DSPP: variants seen among roughly 807,000 people sequenced by gnomAD.
The protein encoded by DSPP is deafness, autosomal dominant 39.
A neutral mutation model predicts 29.1 loss-of-function variants in DSPP; 28 were observed. The observed-to-expected ratio is 0.96, with a 90% CI of 0.71 to 1.32. The LOEUF (loss-of-function observed/expected upper bound fraction) is 1.32, where lower values mean the gene tolerates loss of function less well. Among genes scored for constraint, DSPP ranks in the 40% most tolerant of loss-of-function variants. The probability of loss-of-function intolerance (pLI) is 0.00; values close to 1 mark genes in which losing one functional copy is unlikely to be tolerated. For synonymous variants in DSPP, 481 were observed against 503.4 expected, an observed-to-expected ratio of 0.96 and a Z score of 0.60; for missense variants, 1,281 against 1,629.9, an observed-to-expected ratio of 0.79 and a Z score of 3.69.
chr4:87,610,242 C>G (rs191193743), intron 1 of DSPP, among the ~76,000 whole-genome samples: 1 of 152,036 alleles, frequency 6.6e-6, no homozygotes. Flanking sequence ...TTTGAAGTGG[C>G]GTCAGAGAGG....
Position 87,612,393 on chromosome 4 carries a change from A to T in DSPP, c.207A>T (p.Gln69His), listed in dbSNP as rs1352401738. 1.9e-6 allele frequency: 3 copies of T among 1,614,008 alleles called. No individual in the cohort carries two copies. The East Asian group carries it at 6.7e-5, about 36-fold the overall frequency. Residue 69 changes from glutamine to histidine, a missense_variant, in exon 4 of 5, where the codon CAA (glutamine) becomes CAT (histidine). Physicochemically the swap from Gln to His is conservative, Grantham distance 24 (BLOSUM62 0). This residue lies in a region of DSPP where 631 missense variants were observed against 643.2 expected (regional missense o/e 0.98). Coordinates refer to ENST00000651931, the MANE Select transcript of DSPP (RefSeq NM_014208.3). The part of the protein sequence containing the change: ...VLVHEGDRGR[Q>H]ENTQDGHKGE... ...TGCATGAAGGTGATAGAGGAAGGCAAGAGAATACCCAAGATGGTCACAAGG... is the reference window on the plus strand; with the variant it reads ...TGCATGAAGGTGATAGAGGAAGGCATGAGAATACCCAAGATGGTCACAAGG...
chr4:87,615,029 C>A lies in DSPP; in HGVS notation c.2367C>A (p.Ser789Arg). Residue 789 changes from serine to arginine, a missense_variant, in exon 5 of 5, where the codon AGC becomes AGA. By Grantham distance (110) the Ser-to-Arg change is moderately radical. Transcript: ENST00000651931. ...ACAGCAGTGATAGCAACGACAGCAG[C>A]AATAGCAGTGACAGCAGTGATAGCA... ...SSNSSDSNDS[S>R]NSSDSSDSSN... The A allele has an allele frequency of 1.3e-6, 2 of 1,549,828 alleles. No homozygotes were observed. Among genetic ancestry groups the A allele is most frequent in the Non-Finnish European group, 1.7e-6 (2 of 1,146,534 alleles).
At position 87,612,610 on chromosome 4, in the gene DSPP, A is replaced by C; in HGVS notation, c.424A>C (p.Ile142Leu). The change falls in exon 4 of 5, where the codon ATC (isoleucine) becomes CTC (leucine). Residue 142 changes from isoleucine (I) to leucine (L), a missense_variant. This residue lies in a region of DSPP where 631 missense variants were observed against 643.2 expected (regional missense o/e 0.98). Transcript: ENST00000651931. ...TANGIQGQVS[I>L]IDNAGATNRS... Reference sequence around the variant, plus strand: ...AAATGGCATCCAGGGACAAGTAAGCATCATTGACAATGCTGGAGCCACAAA... The same window carrying C: ...AAATGGCATCCAGGGACAAGTAAGCCTCATTGACAATGCTGGAGCCACAAA... 6.2e-7 allele frequency: 1 copy of C among 1,614,172 alleles called. No homozygotes were observed.
Position 87,614,192 on chromosome 4 carries a change from A to C in DSPP, c.1530A>C (p.Ala510=). The change falls in exon 5 of 5, where the codon GCA becomes GCC. Residue 510 remains alanine (A), a synonymous_variant. Coordinates refer to ENST00000651931, the MANE Select transcript of DSPP (RefSeq NM_014208.3). ...GCAATGGCAGTGACTCAAAAGGAGC[A>C]GAAGATGATGACAGTGATAGCACAT... is the stretch of plus-strand genomic sequence containing the variant. ...DNGNGSDSKG[A]EDDDSDSTSD... 1 of 1,614,268 alleles carries C rather than the reference A, an allele frequency of 6.2e-7. No individual in the cohort carries two copies. Among genetic ancestry groups the C allele is most frequent in the Non-Finnish European group, 8.5e-7 (1 of 1,180,042 alleles).
rs1457884887 is a variant in DSPP at position 87,616,115 on chromosome 4, CGACAGCAGT to C, written c.3462_3470del (p.Asp1176_Ser1178del). 2.7e-6 allele frequency: 4 copies of C among 1,505,052 alleles called. No homozygotes were observed. In the East Asian group the frequency reaches 1.0e-4, roughly 38 times the overall value. 93.2% of individuals were successfully genotyped at this position (1,505,052 alleles called of 1,614,324 possible). On this transcript the variant is annotated inframe_deletion, in exon 5 of 5. Transcript: ENST00000651931. ...ACAGCAGTGACAGCAGTGAAAGCAG[CGACAGCAGT>C]GACAGCAGCGACAGCAGTGACAGCA... is the stretch of plus-strand genomic sequence containing the variant.
In DSPP at chr4:87,612,554, G is replaced by C. The variant is rs199683760; in HGVS notation, c.368G>C (p.Gly123Ala). The C allele has an allele frequency of 2.6e-4, 424 of 1,614,102 alleles. 1 individual carries two copies. The highest frequency in any genetic ancestry group is 1.0e-3 in the South Asian group (92 of 91,084). ...TGKAETYGHDGIHGKEENITA... is the reference protein window; with the variant it reads ...TGKAETYGHDAIHGKEENITA... ...AAAGCAGAAACATATGGTCATGATG[G>C]AATACATGGGAAAGAAGAAAACATC... The change falls in exon 4 of 5, where the codon GGA (glycine) becomes GCA (alanine). Residue 123 changes from glycine to alanine, a missense_variant. Around this residue, in one of 4 missense-constraint regions of DSPP, gnomAD observed 631 missense variants for 643.2 expected, o/e 0.98. Coordinates refer to ENST00000651931, the MANE Select transcript of DSPP (RefSeq NM_014208.3).
chr4:87,614,542 G>A lies in DSPP; in HGVS notation c.1880G>A (p.Ser627Asn), dbSNP rs1404363036. The change falls in exon 5 of 5, where the codon AGC (serine) becomes AAC (asparagine). Residue 627 changes from serine to asparagine, a missense_variant. Around this residue, in one of 4 missense-constraint regions of DSPP, gnomAD observed 444 missense variants for 611.4 expected, o/e 0.73. Transcript: ENST00000651931. ...AGCAGTGACAGCAAGTCAGACAGCA[G>A]CAAATCAGAGAGCGACAGCAGTGAT... Reference protein sequence around the residue: ...SDSSDSKSDSSKSESDSSDSD... With the variant: ...SDSSDSKSDSNKSESDSSDSD... 1.3e-6 allele frequency: 2 copies of A among 1,551,082 alleles called. No homozygotes were observed. The highest frequency in any genetic ancestry group is 2.4e-5 in the South Asian group (2 of 84,028).
intron 1 of DSPP, among the ~76,000 whole-genome samples, chr4:87,609,753 C>T (rs1341545073): frequency 6.6e-6 from 1 of 152,164 alleles, no homozygotes; most frequent in Non-Finnish European, 1.5e-5. Flanking sequence ...ATAATCTATA[C>T]ATCTGGTGGG....
intron 1 of DSPP, among the ~76,000 whole-genome samples, chr4:87,609,146 G>A (rs1727688130): frequency 6.6e-6 from 1 of 152,146 alleles, no homozygotes; most frequent in South Asian, 2.1e-4. Flanking sequence ...AAATTCTGAA[G>A]TCTTTGTTTC....
intron 2 of DSPP, among the ~76,000 whole-genome samples, chr4:87,611,498 A>T (rs1727734078): frequency 6.6e-6 from 1 of 152,188 alleles, no homozygotes; most frequent in Non-Finnish European, 1.5e-5. Context: ...GATGAAAACC[A>T]ATAAAAAATT....
rs781591622 is a variant in DSPP, at chr4:87,612,632, C to A, written c.446C>A (p.Thr149Lys). 1 of 1,613,868 alleles carries A rather than the reference C, an allele frequency of 6.2e-7. No homozygotes were observed. Among genetic ancestry groups the A allele is most frequent in the Admixed American group, 1.7e-5 (1 of 59,984 alleles). The change falls in exon 4 of 5, where the codon ACA becomes AAA. Residue 149 changes from threonine (T) to lysine (K), a missense_variant. Physicochemically the swap from Thr to Lys is moderately conservative, Grantham distance 78 (BLOSUM62 -1). Coordinates refer to ENST00000651931, the MANE Select transcript of DSPP (RefSeq NM_014208.3). ...AGCATCATTGACAATGCTGGAGCCA[C>A]AAACAGAAGCAACACTAATGGAAAT... ...QVSIIDNAGATNRSNTNGNTD... is the reference protein window; with the variant it reads ...QVSIIDNAGAKNRSNTNGNTD...
In DSPP at chr4:87,614,710, G is replaced by A. The variant is rs1482175256; in HGVS notation, c.2048G>A (p.Ser683Asn). The change falls in exon 5 of 5, where the codon AGC becomes AAC. Residue 683 changes from serine (S) to asparagine (N), a missense_variant. By Grantham distance (46) the Ser-to-Asn change is conservative. Around this residue, in one of 4 missense-constraint regions of DSPP, gnomAD observed 444 missense variants for 611.4 expected, o/e 0.73. Coordinates refer to ENST00000651931, the MANE Select transcript of DSPP (RefSeq NM_014208.3). ...DSSDSSSSSD[S>N]SNSSDSSDSS... ...AGTGACAGCAGCAGTAGCAGTGACA[G>A]CAGCAACAGCAGTGATAGTAGTGAC... 1.3e-6 allele frequency: 2 copies of A among 1,545,312 alleles called. No individual in the cohort carries two copies. The highest frequency in any genetic ancestry group is 4.9e-5 in the East Asian group (2 of 40,718).
rs1553904279 is a variant in DSPP at position 87,615,372 on chromosome 4, G to GATAGCAGCA, written c.2711_2712insTAGCAGCAA (p.Ser906_Asp907insAsnSerSer). The GATAGCAGCA allele has an allele frequency of 7.9e-5, 119 of 1,510,206 alleles. No homozygotes were observed. The South Asian group carries it at 1.4e-3, about 18-fold the overall frequency. The allele number at this position is 1,510,206 out of a possible 1,614,324, so 93.6% of individuals were successfully genotyped here. A position where few individuals can be genotyped will look rare whatever the true frequency, so the allele number is the denominator to read the frequency against. On this transcript the variant is annotated inframe_insertion, in exon 5 of 5. Coordinates refer to ENST00000651931, the MANE Select transcript of DSPP (RefSeq NM_014208.3). ...TGATAGCAGCAACAGCAGTGATAGT[G>GATAGCAGCA]ACAGCAGTGATAGCAGCAACAGCAG...
In DSPP at chr4:87,613,963, A is replaced by G; in HGVS notation, c.1301A>G (p.Asn434Ser). ...EGPGQKSEPG[N>S]KVGHSNTGSD... ...CCTGGCCAAAAATCAGAACCAGGAA[A>G]TAAAGTTGGACACAGCAATACAGGT... The change falls in exon 5 of 5, where the codon AAT becomes AGT. Residue 434 changes from asparagine to serine, a missense_variant. Physicochemically the swap from Asn to Ser is conservative, Grantham distance 46. Transcript: ENST00000651931. 2 of 1,614,260 alleles carry G rather than the reference A, an allele frequency of 1.2e-6. No individual in the cohort carries two copies. The highest frequency in any genetic ancestry group is 1.7e-6 in the Non-Finnish European group (2 of 1,180,046).
chr4:87,616,841 C>G lies in DSPP; in HGVS notation c.*273C>G. 1.6e-6 allele frequency: 1 copy of G among 621,106 alleles called. No individual in the cohort carries two copies. Among genetic ancestry groups the G allele is most frequent in the South Asian group, 2.0e-5 (1 of 48,790 alleles). The allele number at this position is 621,106 out of a possible 1,614,324, so 38.5% of individuals were successfully genotyped here. A position where few individuals can be genotyped will look rare whatever the true frequency, so the allele number is the denominator to read the frequency against. On this transcript the variant is annotated 3_prime_UTR_variant, in exon 5 of 5. Coordinates refer to ENST00000651931, the MANE Select transcript of DSPP (RefSeq NM_014208.3). The stretch of plus-strand genomic sequence containing the variant: ...AAGTGTAAATCTAAACATAAAAGAA[C>G]AATTAAAATATTCTTTAATACTTCA...
At position 87,614,915 on chromosome 4, in the gene DSPP, CAGCAGTGACAGTAGCGAT is replaced by C. The variant is rs1560478957; in HGVS notation, c.2265_2282del (p.Asp757_Ser762del). On this transcript the variant is annotated inframe_deletion, in exon 5 of 5. Transcript: ENST00000651931. ...GCAGTGATAGCAGTGACAGCAGCAA[CAGCAGTGACAGTAGCGAT>C]AGCAGTGACAGCAGCAACAGCAGTG... is the stretch of plus-strand genomic sequence containing the variant. The C allele has an allele frequency of 6.5e-7, 1 of 1,547,286 alleles. No homozygotes were observed. The highest frequency in any genetic ancestry group is 2.5e-5 in the East Asian group (1 of 40,634).
At position 87,614,159 on chromosome 4, in the gene DSPP, A is replaced by C; in HGVS notation, c.1497A>C (p.Lys499Asn). Residue 499 changes from lysine to asparagine, a missense_variant, in exon 5 of 5, where the codon AAA becomes AAC. This residue lies in a region of DSPP where 631 missense variants were observed against 643.2 expected (regional missense o/e 0.98). Transcript: ENST00000651931. Reference protein sequence around the residue: ...GDASYNSDESKDNGNGSDSKG... With the variant: ...GDASYNSDESNDNGNGSDSKG... ...CTTCTTATAACTCTGATGAATCAAA[A>C]GATAATGGCAATGGCAGTGACTCAA... 3 of 1,614,254 alleles carry C rather than the reference A, an allele frequency of 1.9e-6. No homozygotes were observed. The highest frequency in any genetic ancestry group is 2.5e-6 in the Non-Finnish European group (3 of 1,180,052).
rs1727964601 is a variant in DSPP, at chr4:87,616,688, A to G, written c.*120A>G. ...AAACATAAGACGTATGTAAACAAAA[A>G]CAACTGGGGGAATCAAATCAAACAG... On this transcript the variant is annotated 3_prime_UTR_variant, in exon 5 of 5. Transcript: ENST00000651931. 6.7e-7 allele frequency: 1 copy of G among 1,487,234 alleles called. No individual in the cohort carries two copies. The highest frequency in any genetic ancestry group is 1.4e-5 in the African/African-American group (1 of 71,174). The allele number at this position is 1,487,234 out of a possible 1,614,324, so 92.1% of individuals were successfully genotyped here.
chr4:87,614,533 C>G lies in DSPP; in HGVS notation c.1871C>G (p.Ser624Ter). 1 of 1,542,858 alleles carries G rather than the reference C, an allele frequency of 6.5e-7. No individual in the cohort carries two copies. Among genetic ancestry groups the G allele is most frequent in the Non-Finnish European group, 8.7e-7 (1 of 1,144,470 alleles). ...SDSSDSSDSK[S>*]DSSKSESDSS... ...AGTAGTGACAGCAGTGACAGCAAGT[C>G]AGACAGCAGCAAATCAGAGAGCGAC... Residue 624 changes from serine to a stop codon, truncating the protein, a stop_gained, in exon 5 of 5, where the codon TCA becomes TGA. Transcript: ENST00000651931. LOFTEE classifies it low-confidence loss of function (END_TRUNC).
Sources: gnomAD v4.1 joint callset for allele counts (sites outside exome capture counted in the v4.1 genomes callset) on GRCh38, gnomAD v4.1.1 for gene constraint, gnomAD v4.1.1 regional missense constraint, MANE v1.5 for transcripts, NCBI Gene and HGNC (gene_info 2026-07-23, HGNC 2026-07-21) for gene names.